The following SLC44A1 variants were observed in gnomAD, a reference collection of about 807,000 sequenced individuals.
SLC44A1 encodes solute carrier family 44 member 1.
In SLC44A1, 26 loss-of-function variants were observed where a neutral mutation model predicts 79.3. The observed-to-expected ratio is 0.33, with a 90% CI of 0.24 to 0.46. The LOEUF is 0.46. SLC44A1 is among the 20% of genes least tolerant of loss of function. SLC44A1 has a pLI of 1.00. For synonymous variants in SLC44A1, 263 were observed against 286.2 expected, an observed-to-expected ratio of 0.92 and a Z score of 0.82; for missense variants, 688 against 798.1, an observed-to-expected ratio of 0.86 and a Z score of 1.66.
At position 105,316,507 on chromosome 9, in the gene SLC44A1, A is replaced by G. The variant is rs1445874749; in HGVS notation, c.269+6641A>G. 2.0e-5 allele frequency among the ~76,000 whole-genome samples: 3 copies of G among 152,206 alleles called. No individual in the cohort carries two copies. The East Asian group carries it at 5.8e-4, about 29-fold the overall frequency. On this transcript the variant is annotated intron_variant, in intron 3 of 15. Transcript: ENST00000374720. ...CAACAGTGTGATTAGCTGTTGAATT[A>G]TGGATGGTTTTAATTTTATACTTAT...
chr9:105,341,720 C>G (rs1435259498), intron 4 of SLC44A1, among the ~76,000 whole-genome samples: 1 of 152,198 alleles, frequency 6.6e-6, no homozygotes, highest in Non-Finnish European at 1.5e-5. Context: ...TCTATTGCCA[C>G]TTAATAATTT....
At chr9:105,437,846 T>C (rs1829483703) in intron 15 of SLC44A1, among the ~76,000 whole-genome samples, 1 of 152,248 alleles carries the variant, frequency 6.6e-6, no homozygotes, top group Admixed American at 6.5e-5. Context: ...TGACTCACCA[T>C]GGGTTTGTTT....
intron 1 of SLC44A1, among the ~76,000 whole-genome samples, chr9:105,269,767 C>A (rs998637493): frequency 6.6e-6 from 1 of 152,168 alleles, no homozygotes; most frequent in African/African-American, 2.4e-5. Context: ...CTGACAGCTG[C>A]CAGCAGTCTT....
At chr9:105,297,374 G>A (rs1830751724) in intron 1 of SLC44A1, among the ~76,000 whole-genome samples, 1 of 152,068 alleles carries the variant, frequency 6.6e-6, no homozygotes, top group South Asian at 2.1e-4. Context: ...GTGAATATAT[G>A]CTTACTTTTT....
intron 1 of SLC44A1, chr9:105,294,536 T>G (rs542801233): frequency 3.3e-5 from 5 of 152,004 alleles, no homozygotes; most frequent in Non-Finnish European, 7.4e-5. Context: ...AGAAGACTAC[T>G]GTAATCTTTG....
intron 5 of SLC44A1, among the ~76,000 whole-genome samples, chr9:105,350,003 T>G (rs1434046075): frequency 6.6e-6 from 1 of 152,130 alleles, no homozygotes; most frequent in Non-Finnish European, 1.5e-5. Context: ...GTCCTAGGGG[T>G]ATTCACTGGA....
At chr9:105,245,450 G>T (rs1168235372) in intron 1 of SLC44A1, among the ~76,000 whole-genome samples, 1 of 152,222 alleles carries the variant, frequency 6.6e-6, no homozygotes, top group Admixed American at 6.5e-5. Context: ...GCTGGGTTCA[G>T]ATGGTTTCAG....
At chr9:105,348,226 G>A (rs1588812219) in intron 4 of SLC44A1, 132 bp from the exon 5 acceptor site, 2 of 551,534 alleles carry the variant, frequency 3.6e-6, no homozygotes, top group East Asian at 6.0e-5. Flanking sequence ...TTATAATATG[G>A]ATCAAATCAG....
chr9:105,406,021 C>T (rs951985273), intron 15 of SLC44A1, among the ~76,000 whole-genome samples: 2 of 152,124 alleles, frequency 1.3e-5, no homozygotes, highest in Non-Finnish European at 2.9e-5. Context: ...GCTAACCTTT[C>T]GATGCAAGCA....
chr9:105,429,783 T>C (rs1222536676), intron 15 of SLC44A1, among the ~76,000 whole-genome samples: 2 of 152,138 alleles, frequency 1.3e-5, no homozygotes, highest in Non-Finnish European at 2.9e-5. Flanking sequence ...GGAGAAGCCT[T>C]TTAGGAACCA....
At chr9:105,388,592 G>T (rs1325482367) in intron 15 of SLC44A1, among the ~76,000 whole-genome samples, 1 of 152,076 alleles carries the variant, frequency 6.6e-6, no homozygotes, top group East Asian at 1.9e-4. Context: ...GAGAACTTCC[G>T]GTTTTGTTCT....
chr9:105,422,958 C>A (rs955007054), intron 15 of SLC44A1, among the ~76,000 whole-genome samples: 1 of 152,146 alleles, frequency 6.6e-6, no homozygotes, highest in Non-Finnish European at 1.5e-5. Context: ...TAACCCCTAG[C>A]AAGGAGCAAA....
chr9:105,374,821 C>A, intron 13 of SLC44A1, 86 bp downstream of exon 13: 1 of 1,095,056 alleles, frequency 9.1e-7, no homozygotes, highest in Non-Finnish European at 1.3e-6. Context: ...TTCAGGCCAC[C>A]AAAAAACTAA....
At chr9:105,314,328 G>A (rs546572985) in intron 3 of SLC44A1, among the ~76,000 whole-genome samples, 10 of 152,302 alleles carry the variant, frequency 6.6e-5, no homozygotes, top group African/African-American at 2.4e-4. Context: ...GTAGCTCTTA[G>A]TAAGCATAGG....
At chr9:105,290,266 T>G (rs2131270845) in intron 1 of SLC44A1, among the ~76,000 whole-genome samples, 1 of 152,326 alleles carries the variant, frequency 6.6e-6, no homozygotes, top group East Asian at 1.9e-4. Context: ...CTGACTATAC[T>G]GTAGCAGATG....
chr9:105,351,808 C>CA (rs1329562400), intron 5 of SLC44A1, among the ~76,000 whole-genome samples: 1 of 152,070 alleles, frequency 6.6e-6, no homozygotes, highest in Non-Finnish European at 1.5e-5. Context: ...TTAACCTTCA[C>CA]AAAAATCTGT....
At chr9:105,278,978 G>A (rs533534770) in intron 1 of SLC44A1, among the ~76,000 whole-genome samples, 281 of 152,218 alleles carry the variant, frequency 1.8e-3, no homozygotes, top group Non-Finnish European at 2.9e-3. Context: ...CAGATATGAG[G>A]TAATGCTTGT....
At chr9:105,424,544 A>G (rs1829295035) in intron 15 of SLC44A1, among the ~76,000 whole-genome samples, 1 of 152,048 alleles carries the variant, frequency 6.6e-6, no homozygotes, top group Non-Finnish European at 1.5e-5. Context: ...AACTAGTCAT[A>G]CTAACTAACT....
At chr9:105,438,143 T>C in intron 15 of SLC44A1, 1 of 661,950 alleles carries the variant, frequency 1.5e-6, no homozygotes, top group South Asian at 1.9e-5. Context: ...TGTGTGTGTG[T>C]GTGTGTGTGT....
Sources: allele counts gnomAD v4.1 joint callset (sites outside exome capture counted in the v4.1 genomes callset), GRCh38; gene constraint gnomAD v4.1.1; transcripts MANE v1.5; gene names NCBI Gene and HGNC (gene_info 2026-07-23, HGNC 2026-07-21).